Variants in RCAN2 observed in about 807,000 individuals in gnomAD.
The protein encoded by RCAN2 is calcipressin-2.
Under a neutral mutation model 23.6 loss-of-function variants are expected in RCAN2, and 9 were observed. The ratio of observed to expected loss-of-function variants is 0.38; its 90% CI spans 0.23 to 0.67. The LOEUF (loss-of-function observed/expected upper bound fraction) is 0.67, where lower values mean the gene tolerates loss of function less well. RCAN2 is among the 30% of genes least tolerant of loss of function. RCAN2 has a pLI of 0.51. For missense variants in RCAN2, 273 were observed against 302.3 expected, an observed-to-expected ratio of 0.90 and a Z score of 0.72; for synonymous variants, 109 against 115.7, an observed-to-expected ratio of 0.94 and a Z score of 0.37.
At chr6:46,392,830 A>C (rs1191875913) in intron 2 of RCAN2, among the ~76,000 whole-genome samples, 25 of 152,208 alleles carry the variant, frequency 1.6e-4, no homozygotes, top group Non-Finnish European at 8.8e-5. Flanking sequence ...AAATTGATGA[A>C]TTGGAGCTAG....
Position 46,264,964 on chromosome 6 carries a change from G to A in RCAN2, c.226-16068C>T, listed in dbSNP as rs117822249. On this transcript the variant is annotated intron_variant, in intron 2 of 4. Coordinates refer to ENST00000371374, the MANE Select transcript of RCAN2 (RefSeq NM_001251974.2). ...ACGATCTGCCTAAGGTGGTCAGCTC[G>A]TCAGTGACAGAATGCAGATTTCATC... Among the ~76,000 whole-genome samples, 63 of 152,322 alleles carry A rather than the reference G, an allele frequency of 4.1e-4. No individual in the cohort carries two copies. The East Asian group carries it at 9.8e-3, about 24-fold the overall frequency.
At chr6:46,362,600 G>A (rs1019229064) in intron 2 of RCAN2, among the ~76,000 whole-genome samples, 3 of 151,998 alleles carry the variant, frequency 2.0e-5, no homozygotes, top group Non-Finnish European at 2.9e-5. Flanking sequence ...ATTCTGTCAT[G>A]GTTCTGTATT....
chr6:46,319,009 TA>T (rs1194129549), intron 2 of RCAN2, among the ~76,000 whole-genome samples: 4 of 152,224 alleles, frequency 2.6e-5, no homozygotes, highest in African/African-American at 9.6e-5. Context: ...CATGTGTTTT[TA>T]AAATTCTATT....
chr6:46,491,895 GCTAA>G (rs926915553), upstream of RCAN2: 7 of 152,324 alleles, frequency 4.6e-5, no homozygotes, highest in African/African-American at 1.4e-4. Context: ...CCCGACTCTG[GCTAA>G]CTGAGGAAAT....
At position 46,221,702 on chromosome 6, in the gene RCAN2, T is replaced by C. The variant is rs1409723909; in HGVS notation, c.*1439A>G. ...CACAACAATCCCTCAATCTGTTTGC[T>C]GTGTTATTGTTCTTGTGTGTTTTTC... On this transcript the variant is annotated 3_prime_UTR_variant, in exon 5 of 5. Transcript: ENST00000371374. 10 of 382,396 alleles carry C rather than the reference T, an allele frequency of 2.6e-5. No individual in the cohort carries two copies. The highest frequency in any genetic ancestry group is 4.1e-5 in the African/African-American group (2 of 48,272). The allele number at this position is 382,396 out of a possible 1,614,324, so 23.7% of individuals were successfully genotyped here.
intron 1 of RCAN2, among the ~76,000 whole-genome samples, chr6:46,473,622 A>G (rs967029285): frequency 3.9e-5 from 6 of 152,218 alleles, no homozygotes; most frequent in Non-Finnish European, 7.3e-5. Flanking sequence ...TTATAACCTC[A>G]GTAGTATTTT....
chr6:46,456,934 G>T lies in RCAN2; in HGVS notation c.43C>A (p.Gln15Lys), dbSNP rs1189972267. 1 of 1,550,840 alleles carries T rather than the reference G, an allele frequency of 6.4e-7. No homozygotes were observed. The highest frequency in any genetic ancestry group is 8.7e-7 in the Non-Finnish European group (1 of 1,147,016). ...SYFIGMRSPG[Q>K]QGHVPEDGGL... ...CCATCTTCAGGGACGTGTCCCTGCT[G>T]CCCTGGGCTCCTCATTCCGATGAAG... The change falls in exon 2 of 5, where the codon CAG becomes AAG. Residue 15 changes from glutamine (Q) to lysine (K), a missense_variant. Physicochemically the swap from Gln to Lys is moderately conservative, Grantham distance 53. Transcript: ENST00000371374.
At chr6:46,437,112 T>A (rs746648348) in intron 2 of RCAN2, among the ~76,000 whole-genome samples, 1 of 152,230 alleles carries the variant, frequency 6.6e-6, no homozygotes, top group Non-Finnish European at 1.5e-5. Context: ...TTAGTACTCT[T>A]ACGGGCTTGA....
chr6:46,448,057 C>A (rs1767765387), intron 2 of RCAN2, among the ~76,000 whole-genome samples: 1 of 151,462 alleles, frequency 6.6e-6, no homozygotes, highest in African/African-American at 2.4e-5. Context: ...ACTGAGTTGG[C>A]CTTTTACAAA....
chr6:46,403,267 C>T (rs971684210), intron 2 of RCAN2, among the ~76,000 whole-genome samples: 2 of 151,878 alleles, frequency 1.3e-5, no homozygotes, highest in Non-Finnish European at 2.9e-5. Flanking sequence ...GCCCAGCCTA[C>T]GTTTGATTTT....
At chr6:46,443,688 A>G (rs930286579) in intron 2 of RCAN2, among the ~76,000 whole-genome samples, 4 of 152,178 alleles carry the variant, frequency 2.6e-5, no homozygotes, top group Admixed American at 1.3e-4. Flanking sequence ...AGGTTTCTTT[A>G]TGAACGTCAA....
At chr6:46,416,200 G>A (rs533705697) in intron 2 of RCAN2, among the ~76,000 whole-genome samples, 135 of 151,836 alleles carry the variant, frequency 8.9e-4, no homozygotes, top group African/African-American at 2.7e-3. Flanking sequence ...AGAATAAATC[G>A]ATTAAGTAAG....
intron 2 of RCAN2, among the ~76,000 whole-genome samples, chr6:46,395,150 T>G (rs143170481): frequency 1.3e-5 from 2 of 152,164 alleles, no homozygotes; most frequent in East Asian, 3.9e-4. Context: ...GCATGTCAAG[T>G]AGAAGATGAA....
intron 4 of RCAN2, among the ~76,000 whole-genome samples, chr6:46,238,211 T>C (rs1766176247): frequency 6.6e-6 from 1 of 152,198 alleles, no homozygotes; most frequent in Non-Finnish European, 1.5e-5. Context: ...TGAGGAAAGC[T>C]GGGAGGCAGG....
rs373900215 is a variant in RCAN2, at chr6:46,255,989, A to G, written c.226-7093T>C. 7.2e-4 allele frequency among the ~76,000 whole-genome samples: 110 copies of G among 152,208 alleles called. No individual in the cohort carries two copies. In the South Asian group the frequency reaches 0.021, roughly 30 times the overall value. On this transcript the variant is annotated intron_variant, in intron 2 of 4. Transcript: ENST00000371374. The stretch of plus-strand genomic sequence containing the variant: ...GAGCAATTAAAGACTTGGTAAGGAG[A>G]GGATATGGAGTGATTATTGTAGAGC...
chr6:46,223,089 G>A lies in RCAN2; in HGVS notation c.*52C>T. ...CAATTTTTTTTGACAAACAACAGGG[G>A]GAAAAAGCATGATAAAGAGGAGACG... On this transcript the variant is annotated 3_prime_UTR_variant, in exon 5 of 5. Coordinates refer to ENST00000371374, the MANE Select transcript of RCAN2 (RefSeq NM_001251974.2). 3 of 1,588,862 alleles carry A rather than the reference G, an allele frequency of 1.9e-6. No individual in the cohort carries two copies. The highest frequency in any genetic ancestry group is 2.6e-6 in the Non-Finnish European group (3 of 1,167,134).
chr6:46,337,581 C>T (rs1044497367), intron 2 of RCAN2, among the ~76,000 whole-genome samples: 1 of 152,198 alleles, frequency 6.6e-6, no homozygotes, highest in Non-Finnish European at 1.5e-5. Flanking sequence ...ACCTGATCCT[C>T]TTTCTGTATT....
intron 2 of RCAN2, among the ~76,000 whole-genome samples, chr6:46,316,406 T>G (rs938164551): frequency 1.3e-5 from 2 of 152,146 alleles, no homozygotes; most frequent in African/African-American, 4.8e-5. Flanking sequence ...AAGGTCACAC[T>G]ATCAAGTGGC....
intron 2 of RCAN2, among the ~76,000 whole-genome samples, chr6:46,270,451 T>C (rs1767486172): frequency 6.6e-6 from 1 of 152,162 alleles, no homozygotes; most frequent in South Asian, 2.1e-4. Context: ...GCTGGCATCG[T>C]GGAGAAGGTG....
Sources: allele counts gnomAD v4.1 joint callset (sites outside exome capture counted in the v4.1 genomes callset), GRCh38; gene constraint gnomAD v4.1.1; transcripts MANE v1.5; gene names NCBI Gene and HGNC (gene_info 2026-07-23, HGNC 2026-07-21).